The following TTC17 variants were observed in gnomAD, a reference collection of about 807,000 sequenced individuals.
TTC17 encodes the protein tetratricopeptide repeat domain 17, also known as tetratricopeptide repeat protein 17.
Under a neutral mutation model 143.8 loss-of-function variants are expected in TTC17, and 58 were observed. The observed-to-expected ratio is 0.40, with a 90% CI of 0.33 to 0.50. TTC17 has a LOEUF of 0.50. Among genes scored for constraint, TTC17 ranks in the 20% least tolerant of loss-of-function variants. The pLI, the probability that TTC17 is intolerant of heterozygous loss-of-function variation, is 0.49. For missense variants in TTC17, 1,273 were observed against 1,392.5 expected (o/e 0.91, Z 1.37); for synonymous variants, 501 against 497.8 (o/e 1.01, Z -0.09).
intron 16 of TTC17, among the ~76,000 whole-genome samples, chr11:43,420,549 G>A (rs145337012): frequency 5.9e-5 from 9 of 152,224 alleles, no homozygotes; most frequent in South Asian, 2.1e-4. Flanking sequence ...TCTATTTTAC[G>A]TGGAAGATGT....
At chr11:43,379,621 A>G (rs1450455620) in intron 2 of TTC17, among the ~76,000 whole-genome samples, 2 of 152,220 alleles carry the variant, frequency 1.3e-5, no homozygotes, top group Non-Finnish European at 2.9e-5. Flanking sequence ...TTTCCATCAA[A>G]TATGAAAATG....
At chr11:43,360,702 G>A (rs1224553746) in intron 1 of TTC17, among the ~76,000 whole-genome samples, 1 of 150,982 alleles carries the variant, frequency 6.6e-6, no homozygotes, top group Non-Finnish European at 1.5e-5. Context: ...TGGGAAAGTA[G>A]AGTCTGATTT....
At chr11:43,404,219 C>A in intron 11 of TTC17, 75 bp downstream of exon 11, 1 of 1,429,714 alleles carries the variant, frequency 7.0e-7, no homozygotes, top group Non-Finnish European at 9.5e-7. Flanking sequence ...CTCAACCTCA[C>A]TGATTAATAT....
At chr11:43,416,249 C>T (rs1267542968) in intron 16 of TTC17, among the ~76,000 whole-genome samples, 2 of 151,906 alleles carry the variant, frequency 1.3e-5, no homozygotes, top group East Asian at 1.9e-4. Flanking sequence ...TAAGAACAGC[C>T]TTATAAAAAG....
intron 2 of TTC17, among the ~76,000 whole-genome samples, chr11:43,384,744 A>G (rs1181199038): frequency 6.6e-6 from 1 of 152,248 alleles, no homozygotes; most frequent in African/African-American, 2.4e-5. Flanking sequence ...TTCAAACTCT[A>G]CAATCAGATA....
chr11:43,432,084 C>T (rs766808954), intron 16 of TTC17, among the ~76,000 whole-genome samples: 27 of 152,134 alleles, frequency 1.8e-4, no homozygotes, highest in Non-Finnish European at 3.2e-4. Context: ...GGTTACCCAA[C>T]TCTAATTAGA....
At chr11:43,380,717 G>C (rs768732010) in intron 2 of TTC17, among the ~76,000 whole-genome samples, 4 of 152,192 alleles carry the variant, frequency 2.6e-5, no homozygotes, top group Non-Finnish European at 5.9e-5. Flanking sequence ...AGAGAGAGAA[G>C]ACTTTAGCAC....
At position 43,444,225 on chromosome 11, in the gene TTC17, T is replaced by G; in HGVS notation, c.2665+16T>G. ...GGGCCACAAGGTAAATTTGAATGTT[T>G]AATATGCCAGTTTCTTGTTTTAGAT... On this transcript the variant is annotated intron_variant, in intron 18 of 23. Transcript: ENST00000039989. 1 of 1,587,010 alleles carries G rather than the reference T, an allele frequency of 6.3e-7. No individual in the cohort carries two copies. Among genetic ancestry groups the G allele is most frequent in the Non-Finnish European group, 8.5e-7 (1 of 1,171,436 alleles).
chr11:43,395,266 A>G (rs1036131718), intron 5 of TTC17: 5 of 151,670 alleles, frequency 3.3e-5, no homozygotes, highest in Non-Finnish European at 7.3e-5. Flanking sequence ...ACGCCCGGCA[A>G]ATTTTTTGTC....
In TTC17 at chr11:43,389,925, A is replaced by G. The variant is rs2134521993; in HGVS notation, c.419+104A>G. On this transcript the variant is annotated intron_variant, in intron 3 of 23. Transcript: ENST00000039989. ...TAATAAGGGTAAGCTTCAATCACAG[A>G]TGAGTTTTCGAATTTGAAAATTCAA... is the stretch of plus-strand genomic sequence containing the variant. 4 of 1,079,040 alleles carry G rather than the reference A, an allele frequency of 3.7e-6. No homozygotes were observed. The East Asian group carries it at 7.6e-5, about 21-fold the overall frequency. The allele number at this position is 1,079,040 out of a possible 1,614,324, so 66.8% of individuals were successfully genotyped here.
intron 1 of TTC17, among the ~76,000 whole-genome samples, chr11:43,359,787 G>A (rs565557523): frequency 1.3e-5 from 2 of 152,322 alleles, no homozygotes; most frequent in East Asian, 3.9e-4. Context: ...ACTTTGCTTT[G>A]TTTCTTTACC....
chr11:43,435,080 TAGA>T lies in TTC17; in HGVS notation c.2252-8244_2252-8242del, dbSNP rs1947257679. 128 of 69,624 alleles carry T rather than the reference TAGA, an allele frequency of 1.8e-3. 1 individual carries two copies. The East Asian group carries it at 0.047, about 25-fold the overall frequency. 4.3% of individuals were successfully genotyped at this position (69,624 alleles called of 1,614,324 possible). A position where few individuals can be genotyped will look rare whatever the true frequency, so the allele number is the denominator to read the frequency against. ...GAATCTGTACACACAGATAAGATGA[TAGA>T]TAGATAGATAGATAGATAGATAGAT... On this transcript the variant is annotated intron_variant, in intron 16 of 23. Transcript: ENST00000039989.
intron 21 of TTC17, among the ~76,000 whole-genome samples, chr11:43,485,052 A>G (rs190230351): frequency 6.6e-6 from 1 of 152,102 alleles, no homozygotes; most frequent in East Asian, 1.9e-4. Flanking sequence ...CTGATTCTAC[A>G]TTATGGTGAG....
Position 43,414,636 on chromosome 11 carries a change from A to G in TTC17, c.2111A>G (p.Asn704Ser). 2.5e-6 allele frequency: 4 copies of G among 1,613,554 alleles called. No individual in the cohort carries two copies. The highest frequency in any genetic ancestry group is 1.3e-5 in the African/African-American group (1 of 74,988). ...GGAAATGCTTACCTTGCTCTGAAGAATATCAGTGGGGCACTTGAGGCCTTT... is the reference window on the plus strand; with the variant it reads ...GGAAATGCTTACCTTGCTCTGAAGAGTATCAGTGGGGCACTTGAGGCCTTT... ...SLGNAYLALK[N>S]ISGALEAFRQ... The change falls in exon 16 of 24, where the codon AAT (asparagine) becomes AGT (serine). Residue 704 changes from asparagine to serine, a missense_variant. Asn to Ser is a conservative substitution (Grantham distance 46). Around this residue, in one of 3 missense-constraint regions of TTC17, gnomAD observed 878 missense variants for 899.8 expected, o/e 0.98. Coordinates refer to ENST00000039989, the MANE Select transcript of TTC17 (RefSeq NM_018259.6).
chr11:43,443,961 G>T (rs1257313099), intron 17 of TTC17, 95 bp from the exon 18 acceptor site: 10 of 1,386,320 alleles, frequency 7.2e-6, no homozygotes, highest in Non-Finnish European at 9.7e-6. Flanking sequence ...CTTAACCTGA[G>T]CACAGTACTT....
At chr11:43,420,331 C>T (rs190028872) in intron 16 of TTC17, among the ~76,000 whole-genome samples, 32 of 152,262 alleles carry the variant, frequency 2.1e-4, no homozygotes, top group African/African-American at 7.7e-4. Flanking sequence ...TTTGTAGATA[C>T]CTGGGACATT....
chr11:43,468,358 G>A (rs1045105509), intron 21 of TTC17: 1 of 152,126 alleles, frequency 6.6e-6, no homozygotes, highest in Admixed American at 6.6e-5. Context: ...TTACATAGAT[G>A]GTCAAATGAT....
At chr11:43,451,741 C>G (rs1475689450) in intron 21 of TTC17, among the ~76,000 whole-genome samples, 2 of 152,150 alleles carry the variant, frequency 1.3e-5, no homozygotes, top group Non-Finnish European at 2.9e-5. Context: ...GACTCCTTTT[C>G]TTCCTCTGTG....
intron 21 of TTC17, among the ~76,000 whole-genome samples, chr11:43,481,574 A>G (rs1015833965): frequency 1.3e-5 from 2 of 152,016 alleles, no homozygotes; most frequent in African/African-American, 4.8e-5. Context: ...GGGCTATTCA[A>G]ATTATCTCTT....
Sources: allele counts gnomAD v4.1 joint callset (sites outside exome capture counted in the v4.1 genomes callset), GRCh38; gene constraint gnomAD v4.1.1; regional missense constraint gnomAD v4.1.1; transcripts MANE v1.5; gene names NCBI Gene and HGNC (gene_info 2026-07-23, HGNC 2026-07-21).